MICALL1: variants seen among roughly 807,000 people sequenced by gnomAD.
MICALL1 encodes MICAL like 1.
In MICALL1, 61 loss-of-function variants were observed where a neutral mutation model predicts 83.7. The ratio of observed to expected loss-of-function variants is 0.73; its 90% CI spans 0.59 to 0.90. The LOEUF (loss-of-function observed/expected upper bound fraction) is 0.90. MICALL1 is among the 40% of genes least tolerant of loss of function. The pLI, the probability that MICALL1 is intolerant of heterozygous loss-of-function variation, is 0.00. For synonymous variants in MICALL1, 481 were observed against 473.6 expected (o/e 1.02, Z -0.20); for missense variants, 1,066 against 1,152.0 (o/e 0.93, Z 1.08).
rs1011658393 is a variant in MICALL1, at chr22:37,932,450, C to T, written c.2017-103C>T. On this transcript the variant is annotated intron_variant, in intron 10 of 15. Coordinates refer to ENST00000215957, the MANE Select transcript of MICALL1 (RefSeq NM_033386.4). The surrounding 1 kb of genome is among the most constrained non-coding windows in gnomAD (Gnocchi z 4.4). ...TACCATGCTGGGGTGGGGGACAGGGCCCGGGCCCTGGAGCCACCAGTGGCC... is the reference window on the plus strand; with the variant it reads ...TACCATGCTGGGGTGGGGGACAGGGTCCGGGCCCTGGAGCCACCAGTGGCC... 2 of 1,536,058 alleles carry T rather than the reference C, an allele frequency of 1.3e-6. No homozygotes were observed. The highest frequency in any genetic ancestry group is 1.9e-5 in the Admixed American group (1 of 52,690).
At chr22:37,938,457 CTT>C (rs757450191) in intron 15 of MICALL1, among the ~76,000 whole-genome samples, 12 of 118,486 alleles carry the variant, frequency 1.0e-4, no homozygotes, top group Non-Finnish European at 1.4e-4. Context: ...TTTTTCTTTT[CTT>C]TTTTTTTTTT....
Position 37,925,864 on chromosome 22 carries a change from AGG to A in MICALL1, c.1287_1288del (p.Glu430GlyfsTer87). ...TCCAAACCCTATAACCCCTTTGAGG[AGG>A]AGGAGGAGGACAAGGAGGAAGAGGC... On this transcript the variant is annotated frameshift_variant, in exon 8 of 16. Transcript: ENST00000215957. LOFTEE classifies it high-confidence loss of function. 1 of 1,613,748 alleles carries A rather than the reference AGG, an allele frequency of 6.2e-7. No homozygotes were observed. Among genetic ancestry groups the A allele is most frequent in the Non-Finnish European group, 8.5e-7 (1 of 1,179,926 alleles).
chr22:37,910,522 G>A (rs796173247), intron 1 of MICALL1, among the ~76,000 whole-genome samples: 5 of 152,298 alleles, frequency 3.3e-5, no homozygotes, highest in African/African-American at 1.2e-4. Context: ...GTCGCACTCT[G>A]AGGCAGTGGC....
rs995312911 is a variant in MICALL1, at chr22:37,924,544, G to A, written c.1025-116G>A. 3 of 970,008 alleles carry A rather than the reference G, an allele frequency of 3.1e-6. No homozygotes were observed. The highest frequency in any genetic ancestry group is 1.5e-5 in the South Asian group (1 of 65,210). 60.1% of individuals were successfully genotyped at this position (970,008 alleles called of 1,614,324 possible). A position where few individuals can be genotyped will look rare whatever the true frequency, so the allele number is the denominator to read the frequency against. ...TCCATGGGCTGGCCTGGGGAGGTGCGAGGGTGCCAGGAGGAAGGCGGGGCG... is the reference window on the plus strand; with the variant it reads ...TCCATGGGCTGGCCTGGGGAGGTGCAAGGGTGCCAGGAGGAAGGCGGGGCG... On this transcript the variant is annotated intron_variant, in intron 6 of 15. Transcript: ENST00000215957. This position sits in a 1 kb window ranked among gnomAD's most constrained non-coding sequence, Gnocchi z 5.2.
At position 37,921,991 on chromosome 22, in the gene MICALL1, AC is replaced by A; in HGVS notation, c.592del (p.Leu198CysfsTer143). On this transcript the variant is annotated frameshift_variant, in exon 6 of 16. Transcript: ENST00000215957. LOFTEE classifies it high-confidence loss of function. ...HCFRCRRCSS[T>X]LLPGAYENGP... The stretch of plus-strand genomic sequence containing the variant: ...TGCCAGGTGTCGGCGGTGCTCCAGC[AC>A]CCTGCTCCCTGGGGCTTATGAGAAT... The A allele has an allele frequency of 6.3e-7, 1 of 1,588,674 alleles. No homozygotes were observed. Among genetic ancestry groups the A allele is most frequent in the Non-Finnish European group, 8.6e-7 (1 of 1,164,690 alleles).
chr22:37,929,688 G>C (rs935395240), intron 9 of MICALL1, among the ~76,000 whole-genome samples: 2 of 152,088 alleles, frequency 1.3e-5, no homozygotes, highest in Non-Finnish European at 2.9e-5. Flanking sequence ...GAGAACCTGG[G>C]GATTGCCTGG....
chr22:37,937,019 G>T (rs965499338), intron 13 of MICALL1, 61 bp from the exon 14 acceptor site: 2 of 1,421,162 alleles, frequency 1.4e-6, no homozygotes, highest in Middle Eastern at 1.8e-4. Flanking sequence ...GGCTCCTGGT[G>T]GCCTGGGGAG....
intron 1 of MICALL1, among the ~76,000 whole-genome samples, chr22:37,910,776 A>G (rs1928269448): frequency 6.6e-6 from 1 of 151,994 alleles, no homozygotes; most frequent in Admixed American, 6.6e-5. Context: ...GCTCCCTCAT[A>G]TCTGCGAGGC....
At chr22:37,917,885 G>A in intron 4 of MICALL1, 90 bp downstream of exon 4, 1 of 1,169,876 alleles carries the variant, frequency 8.5e-7, no homozygotes, top group Non-Finnish European at 1.3e-6. Flanking sequence ...GGTCATGTGA[G>A]GAAGTTAGCC....
intron 1 of MICALL1, among the ~76,000 whole-genome samples, chr22:37,910,853 C>T (rs1412874896): frequency 6.6e-6 from 1 of 152,192 alleles, no homozygotes; most frequent in African/African-American, 2.4e-5. Context: ...CTGATTTGCA[C>T]ATGGGACAAT....
chr22:37,937,715 C>T (rs768228158), intron 14 of MICALL1, 31 bp from the exon 15 acceptor site: 63 of 1,610,358 alleles, frequency 3.9e-5, no homozygotes, highest in Admixed American at 1.3e-4. Flanking sequence ...TGAGCCACCA[C>T]GCCCAGCTTA....
intron 3 of MICALL1, among the ~76,000 whole-genome samples, chr22:37,917,247 C>T (rs1928736081): frequency 6.6e-6 from 1 of 152,094 alleles, no homozygotes; most frequent in African/African-American, 2.4e-5. Flanking sequence ...CGGGTTCTGG[C>T]CCCCAATACC....
chr22:37,911,038 G>A (rs139896582), intron 1 of MICALL1, among the ~76,000 whole-genome samples: 6 of 152,202 alleles, frequency 3.9e-5, no homozygotes, highest in African/African-American at 9.6e-5. Flanking sequence ...GCTGCCCGGC[G>A]GGAAGACTGA....
rs907397105 is a variant in MICALL1 at position 37,927,753 on chromosome 22, C to A, written c.1808C>A (p.Thr603Lys). 6.2e-7 allele frequency: 1 copy of A among 1,613,842 alleles called. No homozygotes were observed. The highest frequency in any genetic ancestry group is 1.3e-5 in the African/African-American group (1 of 75,050). Residue 603 changes from threonine to lysine, a missense_variant, in exon 9 of 16, where the codon ACG (threonine) becomes AAG (lysine). Transcript: ENST00000215957. ...PAKPCSGATPTPLLLVGDRSP... is the reference protein window; with the variant it reads ...PAKPCSGATPKPLLLVGDRSP... The stretch of plus-strand genomic sequence containing the variant: ...AAGCCCTGCAGTGGCGCCACCCCAA[C>A]GCCTCTCTTGTTGGTTGGAGACAGG...
chr22:37,939,571 C>T (rs748577598), intron 15 of MICALL1, among the ~76,000 whole-genome samples: 9 of 149,596 alleles, frequency 6.0e-5, no homozygotes, highest in Non-Finnish European at 5.9e-5. Flanking sequence ...GTCAGGTGTT[C>T]GAGACCAGCC....
intron 8 of MICALL1, 158 bp from the exon 9 acceptor site, chr22:37,927,253 C>T (rs774855341): frequency 3.7e-5 from 31 of 834,384 alleles, no homozygotes; most frequent in African/African-American, 8.5e-5. Flanking sequence ...TCCGTCCTGC[C>T]GGGCGTTTGC....
rs889247759 is a variant in MICALL1, at chr22:37,941,794, C to T, written c.*964C>T. 2.6e-5 allele frequency: 4 copies of T among 152,400 alleles called. No homozygotes were observed. The highest frequency in any genetic ancestry group is 9.7e-5 in the African/African-American group (4 of 41,440). The allele number at this position is 152,400 out of a possible 1,614,324, so 9.4% of individuals were successfully genotyped here. A position where few individuals can be genotyped will look rare whatever the true frequency, so the allele number is the denominator to read the frequency against. ...CCACCGAAGGCCTGATGGCTACTCA[C>T]CCCTCTGGGATGGCTATGGGAGAGG... On this transcript the variant is annotated 3_prime_UTR_variant, in exon 16 of 16. Transcript: ENST00000215957.
At chr22:37,918,379 C>T (rs746584317) in intron 4 of MICALL1, among the ~76,000 whole-genome samples, 3 of 152,200 alleles carry the variant, frequency 2.0e-5, no homozygotes, top group South Asian at 2.1e-4. Context: ...CACATCTGGA[C>T]GGCACCTTAC....
chr22:37,934,360 C>T (rs1449345058), intron 13 of MICALL1, among the ~76,000 whole-genome samples: 1 of 152,138 alleles, frequency 6.6e-6, no homozygotes, highest in Admixed American at 6.6e-5. Context: ...CCCTGAGTCT[C>T]AGTTTCCCCA....
Sources: allele counts gnomAD v4.1 joint callset (sites outside exome capture counted in the v4.1 genomes callset), GRCh38; gene constraint gnomAD v4.1.1; non-coding constraint Gnocchi (gnomAD v3.1); transcripts MANE v1.5; gene names NCBI Gene and HGNC (gene_info 2026-07-23, HGNC 2026-07-21).